Variants in GRM3 observed in about 807,000 individuals in gnomAD.
GRM3 encodes glutamate metabotropic receptor 3, also known as metabotropic glutamate receptor 3.
GRM3 carries 26 observed loss-of-function variants against 70.5 expected under a neutral mutation model. That is an observed-to-expected ratio of 0.37 (90% CI 0.27 to 0.51). GRM3 has a LOEUF of 0.51. Among genes scored for constraint, GRM3 ranks in the 20% least tolerant of loss-of-function variants. GRM3 has a pLI of 0.93. For synonymous variants in GRM3, 443 were observed against 434.9 expected, an observed-to-expected ratio of 1.02 and a Z score of -0.23; for missense variants, 859 against 1,123.8, an observed-to-expected ratio of 0.76 and a Z score of 3.37.
intron 1 of GRM3, among the ~76,000 whole-genome samples, chr7:86,658,438 G>A (rs550311545): frequency 1.3e-5 from 2 of 152,120 alleles, no homozygotes; most frequent in African/African-American, 2.4e-5. Context: ...TAGTGCACTG[G>A]TCCACTCCAA....
intron 1 of GRM3, among the ~76,000 whole-genome samples, chr7:86,741,481 T>C (rs1562844907): frequency 6.6e-6 from 1 of 152,118 alleles, no homozygotes; most frequent in Non-Finnish European, 1.5e-5. Context: ...GTATAAGAAG[T>C]TAATATTTAT....
chr7:86,658,619 C>T (rs1793809767), intron 1 of GRM3, among the ~76,000 whole-genome samples: 1 of 152,148 alleles, frequency 6.6e-6, no homozygotes, highest in Non-Finnish European at 1.5e-5. Flanking sequence ...AGAAGTCATG[C>T]CTGCTCACTT....
chr7:86,763,687 T>C (rs919185507), intron 1 of GRM3, among the ~76,000 whole-genome samples: 1 of 152,132 alleles, frequency 6.6e-6, no homozygotes, highest in African/African-American at 2.4e-5. Context: ...TGGCATTCAT[T>C]GCACTACCTG....
intron 1 of GRM3, among the ~76,000 whole-genome samples, chr7:86,751,710 A>G (rs760316122): frequency 6.6e-6 from 1 of 152,020 alleles, no homozygotes; most frequent in Non-Finnish European, 1.5e-5. Context: ...ACCCAGACTC[A>G]TGGTTTCTGC....
chr7:86,769,665 C>T (rs1269800700), intron 2 of GRM3, among the ~76,000 whole-genome samples: 1 of 152,128 alleles, frequency 6.6e-6, no homozygotes, highest in Non-Finnish European at 1.5e-5. Flanking sequence ...AGGAAAACTG[C>T]ATGGAGGGGA....
chr7:86,698,742 C>A lies in GRM3; in HGVS notation c.-141+53870C>A, dbSNP rs1731282478. Among the ~76,000 whole-genome samples the A allele has an allele frequency of 2.0e-5, 3 of 151,866 alleles. No homozygotes were observed. In the South Asian group the frequency reaches 6.2e-4, roughly 32 times the overall value. ...AAGACAGAGAACAAAATGGGTTACC[C>A]ATGTGAATCTGAAAAGCCCTTAAGA... On this transcript the variant is annotated intron_variant, in intron 1 of 5. Coordinates refer to ENST00000361669, the MANE Select transcript of GRM3 (RefSeq NM_000840.3).
At chr7:86,851,986 T>G (rs1000812312) in intron 5 of GRM3, among the ~76,000 whole-genome samples, 1 of 152,174 alleles carries the variant, frequency 6.6e-6, no homozygotes, top group Non-Finnish European at 1.5e-5. Flanking sequence ...GGCACCATGC[T>G]AAATACTTTA....
chr7:86,729,635 T>C (rs1339011085), intron 1 of GRM3, among the ~76,000 whole-genome samples: 2 of 152,244 alleles, frequency 1.3e-5, no homozygotes, highest in East Asian at 3.8e-4. Flanking sequence ...TGAAATTATG[T>C]ATGTACATAC....
intron 1 of GRM3, among the ~76,000 whole-genome samples, chr7:86,679,636 T>C (rs1347597251): frequency 2.0e-5 from 3 of 152,114 alleles, no homozygotes; most frequent in African/African-American, 7.2e-5. Flanking sequence ...AGTATCTTCA[T>C]TGGCATCTGC....
intron 2 of GRM3, among the ~76,000 whole-genome samples, chr7:86,779,817 A>T (rs1796997214): frequency 6.6e-6 from 1 of 151,670 alleles, no homozygotes; most frequent in African/African-American, 2.4e-5. Context: ...GATTCTCCAT[A>T]AAGTTGAGTT....
chr7:86,822,825 C>T (rs1428762698), intron 3 of GRM3, among the ~76,000 whole-genome samples: 1 of 152,104 alleles, frequency 6.6e-6, no homozygotes, highest in African/African-American at 2.4e-5. Flanking sequence ...CTGGATGATC[C>T]TCAAAGCTGA....
intron 2 of GRM3, among the ~76,000 whole-genome samples, chr7:86,781,917 A>G (rs943012404): frequency 1.3e-5 from 2 of 152,082 alleles, no homozygotes; most frequent in African/African-American, 4.8e-5. Context: ...CTTTTCCTCA[A>G]GAGTCCAAGC....
At chr7:86,831,523 A>T (rs1001203621) in intron 3 of GRM3, among the ~76,000 whole-genome samples, 1 of 152,078 alleles carries the variant, frequency 6.6e-6, no homozygotes, top group Non-Finnish European at 1.5e-5. Context: ...AGCTCAAATA[A>T]ATCAGGTTAG....
intron 3 of GRM3, among the ~76,000 whole-genome samples, chr7:86,797,884 G>C (rs1189622265): frequency 6.6e-6 from 1 of 152,192 alleles, no homozygotes; most frequent in African/African-American, 2.4e-5. Context: ...TCAGGACTCG[G>C]TGCCTGCATC....
intron 1 of GRM3, 197 bp downstream of exon 1, chr7:86,645,069 G>T: frequency 2.9e-6 from 1 of 350,690 alleles, no homozygotes; most frequent in South Asian, 2.1e-5. Context: ...GTGTGTGTGC[G>T]CCCACGTCTG....
chr7:86,753,079 T>C (rs1462113381), intron 1 of GRM3, among the ~76,000 whole-genome samples: 1 of 152,054 alleles, frequency 6.6e-6, no homozygotes, highest in East Asian at 1.9e-4. Flanking sequence ...CCTCATTGCA[T>C]CATCCGCACA....
intron 3 of GRM3, among the ~76,000 whole-genome samples, chr7:86,793,476 C>T (rs1382570104): frequency 6.6e-6 from 1 of 152,148 alleles, no homozygotes; most frequent in East Asian, 1.9e-4. Context: ...TTTGTAGTTC[C>T]CACAAAAGCA....
intron 3 of GRM3, 24 bp from the exon 4 acceptor site, chr7:86,838,815 T>A: frequency 1.4e-6 from 2 of 1,388,168 alleles, no homozygotes. Context: ...TGTTCTTTTT[T>A]TTCTTTCACT....
At chr7:86,834,240 G>A (rs1009839141) in intron 3 of GRM3, among the ~76,000 whole-genome samples, 1 of 151,956 alleles carries the variant, frequency 6.6e-6, no homozygotes, top group East Asian at 1.9e-4. Flanking sequence ...CTCTTCACTG[G>A]TGTTCACTTT....
Sources: gnomAD v4.1 joint callset for allele counts (sites outside exome capture counted in the v4.1 genomes callset) on GRCh38, gnomAD v4.1.1 for gene constraint, MANE v1.5 for transcripts, NCBI Gene and HGNC (gene_info 2026-07-23, HGNC 2026-07-21) for gene names.